The following IRX4 variants were observed in gnomAD, a reference collection of about 807,000 sequenced individuals.
IRX4 encodes the protein iroquois-class homeodomain protein IRX-4.
A neutral mutation model predicts 32.0 loss-of-function variants in IRX4; 22 were observed. The ratio of observed to expected loss-of-function variants is 0.69; its 90% CI spans 0.49 to 0.98. IRX4 has a LOEUF of 0.98. Among genes scored for constraint, IRX4 ranks in the 50% least tolerant of loss-of-function variants. The pLI, the probability that IRX4 is intolerant of heterozygous loss-of-function variation, is 0.00. For synonymous variants in IRX4, 379 were observed against 351.7 expected, an observed-to-expected ratio of 1.08 and a Z score of -0.87; for missense variants, 840 against 744.2, an observed-to-expected ratio of 1.13 and a Z score of -1.50.
chr5:1,885,659 A>C (rs1735605698), upstream of IRX4, among the ~76,000 whole-genome samples: 1 of 113,206 alleles, frequency 8.8e-6, no homozygotes, highest in Non-Finnish European at 1.9e-5. Flanking sequence ...CAGCCTGTGG[A>C]TTGGCGACCA....
chr5:1,879,461 G>T (rs760684209), intron 4 of IRX4, 43 bp downstream of exon 4: 79 of 1,612,278 alleles, frequency 4.9e-5, no homozygotes, highest in Non-Finnish European at 6.3e-5. Context: ...CACTGTGCCT[G>T]CACTCCAGGG....
At chr5:1,879,099 C>A (rs1000894248) in intron 4 of IRX4, among the ~76,000 whole-genome samples, 7 of 151,784 alleles carry the variant, frequency 4.6e-5, no homozygotes, top group Non-Finnish European at 7.4e-5. Context: ...TCAGGGCATT[C>A]TCCTGCCTCA....
chr5:1,881,940 C>A lies in IRX4; in HGVS notation c.165G>T (p.Arg55=). 6.4e-7 allele frequency: 1 copy of A among 1,572,390 alleles called. No individual in the cohort carries two copies. Among genetic ancestry groups the A allele is most frequent in the Non-Finnish European group, 8.6e-7 (1 of 1,159,752 alleles). The change falls in exon 2 of 5, where the codon CGG becomes CGT. Residue 55 remains arginine (R), a synonymous_variant. Coordinates refer to ENST00000231357, the MANE Select transcript of IRX4 (RefSeq NM_016358.3). ...GCTCGTGGCGCGCGGTGGCCAGCAG[C>A]CGGCTCTCGTAGACCGGGCAGTAGA... ...APVYCPVYES[R]LLATARHELN...
In IRX4 at chr5:1,878,105, C is replaced by T. The variant is rs200218141; in HGVS notation, c.1424G>A (p.Gly475Glu). 3.9e-6 allele frequency: 6 copies of T among 1,537,962 alleles called. No individual in the cohort carries two copies. In the East Asian group the frequency reaches 1.5e-4, roughly 37 times the overall value. Reference protein sequence around the residue: ...LDPGPLGRSLGAGANVLTAPL... With the variant: ...LDPGPLGRSLEAGANVLTAPL... ...TGCAGTCAGCACGTTCGCGCCCGCC[C>T]CCAGCGAGCGTCCCAGAGGCCCGGG... is the stretch of plus-strand genomic sequence containing the variant. The change falls in exon 5 of 5, where the codon GGG (glycine) becomes GAG (glutamate). Residue 475 changes from glycine (G) to glutamate (E), a missense_variant. By Grantham distance (98) the Gly-to-Glu change is moderately conservative. Around this residue, in one of 3 missense-constraint regions of IRX4, gnomAD observed 585 missense variants for 488.0 expected, o/e 1.20. Coordinates refer to ENST00000231357, the MANE Select transcript of IRX4 (RefSeq NM_016358.3).
Position 1,878,311 on chromosome 5 carries a change from C to T in IRX4, c.1218G>A (p.Val406=), listed in dbSNP as rs1374464677. Residue 406 remains valine (V), a synonymous_variant, in exon 5 of 5, where the codon GTG becomes GTA. Transcript: ENST00000231357. ...ACGGGGACGTGGCGGGCGCGGAGGACACAGCCGCAGGGGCCGCGGGACCTT... is the reference window on the plus strand; with the variant it reads ...ACGGGGACGTGGCGGGCGCGGAGGATACAGCCGCAGGGGCCGCGGGACCTT... ...KRQGPAAPAA[V]SSAPATSPSV... is the part of the protein sequence containing the mutation. 2 of 1,572,840 alleles carry T rather than the reference C, an allele frequency of 1.3e-6. No homozygotes were observed. Among genetic ancestry groups the T allele is most frequent in the Non-Finnish European group, 8.6e-7 (1 of 1,160,142 alleles).
Position 1,880,762 on chromosome 5 carries a change from G to A in IRX4, c.370C>T (p.Pro124Ser). The A allele has an allele frequency of 6.2e-7, 1 of 1,613,782 alleles. No individual in the cohort carries two copies. The highest frequency in any genetic ancestry group is 8.5e-7 in the Non-Finnish European group (1 of 1,179,944). ...GLAPAAAAYY[P>S]YEPALGQYPY... ...TACTGGCCCAGAGCTGGCTCGTAAG[G>A]GTAGTAGGCGGCAGCGGCTGGTGCC... The change falls in exon 3 of 5, where the codon CCT (proline) becomes TCT (serine). Residue 124 changes from proline (P) to serine (S), a missense_variant. By Grantham distance (74) the Pro-to-Ser change is moderately conservative. Transcript: ENST00000231357.
upstream of IRX4, among the ~76,000 whole-genome samples, chr5:1,885,289 A>T (rs2111459473): frequency 6.6e-6 from 1 of 152,316 alleles, no homozygotes; most frequent in East Asian, 1.9e-4. Flanking sequence ...TGGGAGAAGC[A>T]GCCTCCACTT....
At chr5:1,882,561 C>A in intron 1 of IRX4, 42 bp downstream of exon 1, 2 of 1,491,760 alleles carry the variant, frequency 1.3e-6, no homozygotes, top group Admixed American at 2.2e-5. Context: ...ATCCGCCCTA[C>A]CGGCACCTGC....
chr5:1,886,790 G>C (rs940658657), upstream of IRX4: 4 of 152,052 alleles, frequency 2.6e-5, no homozygotes, highest in South Asian at 2.1e-4. Context: ...CCTAGCGACG[G>C]GTAGCAAACT....
In IRX4 at chr5:1,878,338, G is replaced by C. The variant is rs935791697; in HGVS notation, c.1191C>G (p.Arg397=). The change falls in exon 5 of 5, where the codon CGC becomes CGG. Residue 397 remains arginine, a synonymous_variant. Transcript: ENST00000231357. ...QTEFPSCMLK[R]QGPAAPAAVS... The stretch of plus-strand genomic sequence containing the variant: ...CAGCCGCAGGGGCCGCGGGACCTTG[G>C]CGCTTGAGCATGCACGACGGAAACT... 4.5e-6 allele frequency: 7 copies of C among 1,549,222 alleles called. No homozygotes were observed. Among genetic ancestry groups the C allele is most frequent in the African/African-American group, 4.1e-5 (3 of 73,308 alleles).
Position 1,877,726 on chromosome 5 carries a change from CCT to C in IRX4, c.*241_*242del. 1 of 523,410 alleles carries C rather than the reference CCT, an allele frequency of 1.9e-6. No individual in the cohort carries two copies. Among genetic ancestry groups the C allele is most frequent in the Admixed American group, 4.0e-5 (1 of 25,302 alleles). 32.4% of individuals were successfully genotyped at this position (523,410 alleles called of 1,614,324 possible). A position where few individuals can be genotyped will look rare whatever the true frequency, so the allele number is the denominator to read the frequency against. On this transcript the variant is annotated 3_prime_UTR_variant, in exon 5 of 5. Transcript: ENST00000231357. ...TATCTGGCCTCTTCTGCTCCGAGAG[CCT>C]CTCCTTCCGCGTCCCAAATTTGGGA...
intron 2 of IRX4, chr5:1,881,052 C>T: frequency 1.1e-5 from 1 of 92,004 alleles, no homozygotes. Flanking sequence ...TGGTGGAGCG[C>T]GGGCCGGTGG....
At chr5:1,882,945 AC>A (rs1241632529), upstream of IRX4, among the ~76,000 whole-genome samples, 2 of 151,162 alleles carry the variant, frequency 1.3e-5, no homozygotes, top group African/African-American at 2.4e-5. Context: ...AAAAAAAAAA[AC>A]GAGTCGCGCG....
upstream of IRX4, among the ~76,000 whole-genome samples, chr5:1,886,136 G>T (rs376646078): frequency 6.6e-6 from 1 of 152,272 alleles, no homozygotes; most frequent in African/African-American, 2.4e-5. Context: ...CGGGGTTACC[G>T]TTGGCCGTCG....
chr5:1,882,104 G>A (rs763032547), intron 1 of IRX4, 45 bp from the exon 2 acceptor site: 2 of 1,531,068 alleles, frequency 1.3e-6, no homozygotes, highest in African/African-American at 1.4e-5. Flanking sequence ...CGGGCTGGAG[G>A]CTGGGGCCCT....
chr5:1,884,095 AGGCGGCAAGGG>A (rs6148876), upstream of IRX4: 85,256 of 151,652 alleles, frequency 0.56, 24,072 homozygotes, highest in East Asian at 0.73. Context: ...GCCAGTGAGC[AGGCGGCAAGGG>A]GGCGGCAAGG....
rs780544153 is a variant in IRX4, at chr5:1,878,340, G to A, written c.1189C>T (p.Arg397Cys). 1.9e-6 allele frequency: 3 copies of A among 1,546,328 alleles called. No individual in the cohort carries two copies. Among genetic ancestry groups the A allele is most frequent in the Non-Finnish European group, 1.7e-6 (2 of 1,147,546 alleles). Residue 397 changes from arginine (R) to cysteine (C), a missense_variant, in exon 5 of 5, where the codon CGC becomes TGC. Arg to Cys is a radical substitution (Grantham distance 180). Around this residue, in one of 3 missense-constraint regions of IRX4, gnomAD observed 585 missense variants for 488.0 expected, o/e 1.20. Coordinates refer to ENST00000231357, the MANE Select transcript of IRX4 (RefSeq NM_016358.3). ...QTEFPSCMLK[R>C]QGPAAPAAVS... The stretch of plus-strand genomic sequence containing the variant: ...GCCGCAGGGGCCGCGGGACCTTGGC[G>A]CTTGAGCATGCACGACGGAAACTCA...
chr5:1,878,870 T>C lies in IRX4; in HGVS notation c.737-78A>G, dbSNP rs376339727. Reference sequence around the variant, plus strand: ...GACCCCCTGTCCCCGTCCACCATTATGAGGCCTGTTCCCGACGCTACGAAA... The same window carrying C: ...GACCCCCTGTCCCCGTCCACCATTACGAGGCCTGTTCCCGACGCTACGAAA... On this transcript the variant is annotated intron_variant, in intron 4 of 4. Transcript: ENST00000231357. 3.4e-6 allele frequency: 5 copies of C among 1,471,098 alleles called. No homozygotes were observed. The African/African-American group carries it at 6.9e-5, about 20-fold the overall frequency. The allele number at this position is 1,471,098 out of a possible 1,614,324, so 91.1% of individuals were successfully genotyped here.
At chr5:1,878,823 G>C (rs201520926) in intron 4 of IRX4, 31 bp from the exon 5 acceptor site, 1 of 1,608,292 alleles carries the variant, frequency 6.2e-7, no homozygotes, top group Non-Finnish European at 8.5e-7. Flanking sequence ...CCAGTGGAGG[G>C]AGAGGGTTGG....
Sources: gnomAD v4.1 joint callset for allele counts (sites outside exome capture counted in the v4.1 genomes callset) on GRCh38, gnomAD v4.1.1 for gene constraint, gnomAD v4.1.1 regional missense constraint, MANE v1.5 for transcripts, NCBI Gene and HGNC (gene_info 2026-07-23, HGNC 2026-07-21) for gene names.